ASTN2: variants seen among roughly 807,000 people sequenced by gnomAD.
ASTN2 encodes the protein astrotactin-2.
In ASTN2, 54 loss-of-function variants were observed where a neutral mutation model predicts 139.8. The ratio of observed to expected loss-of-function variants is 0.39; its 90% CI spans 0.31 to 0.48. ASTN2 has a LOEUF of 0.48. ASTN2 is among the 20% of genes least tolerant of loss of function. The probability of loss-of-function intolerance (pLI) is 0.95; values close to 1 mark genes in which losing one functional copy is unlikely to be tolerated. For synonymous variants in ASTN2, 756 were observed against 719.5 expected, an observed-to-expected ratio of 1.05 and a Z score of -0.81; for missense variants, 1,565 against 1,725.1, an observed-to-expected ratio of 0.91 and a Z score of 1.64.
intron 5 of ASTN2, among the ~76,000 whole-genome samples, chr9:117,076,151 A>G (rs1828274499): frequency 6.6e-6 from 1 of 152,214 alleles, no homozygotes. Context: ...TGGGGGTAGT[A>G]GTGAATTCCA....
intron 19 of ASTN2, among the ~76,000 whole-genome samples, chr9:116,565,399 A>T (rs3860178): frequency 3.1e-5 from 2 of 65,002 alleles, no homozygotes; most frequent in Admixed American, 1.8e-4. Context: ...ATATATATAT[A>T]TATATATATA....
At chr9:117,153,166 A>G (rs999071439) in intron 3 of ASTN2, among the ~76,000 whole-genome samples, 2 of 152,034 alleles carry the variant, frequency 1.3e-5, no homozygotes, top group Non-Finnish European at 2.9e-5. Flanking sequence ...GAAGCATCAC[A>G]TATTTCTACT....
At chr9:116,933,156 A>C (rs1188579199) in intron 10 of ASTN2, among the ~76,000 whole-genome samples, 1 of 152,054 alleles carries the variant, frequency 6.6e-6, no homozygotes, top group Non-Finnish European at 1.5e-5. Flanking sequence ...CCTAAGAGTT[A>C]GCTGTACTAA....
At position 116,798,789 on chromosome 9, in the gene ASTN2, G is replaced by T. The variant is rs58040055; in HGVS notation, c.2396+6843C>A. ...GGAAGCACAGAAAGGTGATTCTTCT[G>T]TCAGTCCAGATTTCCGAACACCAGA... is the stretch of plus-strand genomic sequence containing the variant. On this transcript the variant is annotated intron_variant, in intron 13 of 22. Coordinates refer to ENST00000313400, the MANE Select transcript of ASTN2 (RefSeq NM_001365068.1). Among the ~76,000 whole-genome samples the T allele has an allele frequency of 3.2e-3, 481 of 152,288 alleles. 2 individuals are homozygous for T. The highest frequency in any genetic ancestry group is 0.011 in the African/African-American group (451 of 41,564).
At chr9:117,354,820 C>A (rs1670823400) in intron 1 of ASTN2, among the ~76,000 whole-genome samples, 1 of 152,156 alleles carries the variant, frequency 6.6e-6, no homozygotes, top group African/African-American at 2.4e-5. Flanking sequence ...TCAAATGCAT[C>A]CTACAGCTCA....
intron 2 of ASTN2, among the ~76,000 whole-genome samples, chr9:117,279,405 A>G (rs1253439658): frequency 6.6e-6 from 1 of 152,226 alleles, no homozygotes; most frequent in Non-Finnish European, 1.5e-5. Context: ...CAGCAATATC[A>G]ATAGTATCAT....
In ASTN2 at chr9:117,353,621, C is replaced by G. The variant is rs1388577194; in HGVS notation, c.442+60876G>C. 9.2e-5 allele frequency among the ~76,000 whole-genome samples: 14 copies of G among 152,156 alleles called. No homozygotes were observed. In the East Asian group the frequency reaches 2.7e-3, roughly 29 times the overall value. ...GACTTCAGCATTGAAAAATGTGGCCCCAATGTTCCAACAATTACCAGCACA... is the reference window on the plus strand; with the variant it reads ...GACTTCAGCATTGAAAAATGTGGCCGCAATGTTCCAACAATTACCAGCACA... On this transcript the variant is annotated intron_variant, in intron 1 of 22. Transcript: ENST00000313400.
chr9:116,968,045 A>C (rs1470399016), intron 10 of ASTN2, among the ~76,000 whole-genome samples: 1 of 152,340 alleles, frequency 6.6e-6, no homozygotes, highest in East Asian at 1.9e-4. Flanking sequence ...TATCAGTTAC[A>C]TGTAATATGC....
At chr9:116,520,369 A>G (rs1316332885) in intron 19 of ASTN2, among the ~76,000 whole-genome samples, 1 of 152,116 alleles carries the variant, frequency 6.6e-6, no homozygotes, top group Non-Finnish European at 1.5e-5. Flanking sequence ...TAAATGTGAT[A>G]GACCACATAA....
intron 10 of ASTN2, among the ~76,000 whole-genome samples, chr9:116,972,693 A>G (rs1836244022): frequency 6.6e-6 from 1 of 152,212 alleles, no homozygotes; most frequent in African/African-American, 2.4e-5. Context: ...TTGGTAAGTC[A>G]CAGCCTGTAC....
At chr9:117,321,106 C>A (rs1828310723) in intron 1 of ASTN2, among the ~76,000 whole-genome samples, 1 of 152,156 alleles carries the variant, frequency 6.6e-6, no homozygotes, top group African/African-American at 2.4e-5. Flanking sequence ...AAACTTCTAG[C>A]CCAGGTGGTG....
chr9:116,434,354 A>AATTC (rs1303858925), intron 22 of ASTN2, among the ~76,000 whole-genome samples: 3 of 152,196 alleles, frequency 2.0e-5, no homozygotes, highest in African/African-American at 7.2e-5. Context: ...TCTGAGAGTT[A>AATTC]ATTCAATATA....
rs554879020 is a variant in ASTN2 at position 117,182,017 on chromosome 9, C to G, written c.1015+32341G>C. Among the ~76,000 whole-genome samples the G allele has an allele frequency of 5.9e-5, 9 of 152,232 alleles. No homozygotes were observed. The South Asian group carries it at 1.2e-3, about 21-fold the overall frequency. On this transcript the variant is annotated intron_variant, in intron 3 of 22. Coordinates refer to ENST00000313400, the MANE Select transcript of ASTN2 (RefSeq NM_001365068.1). ...CCAGCTGTGAAATGGTGTCCCTGCTCAACTGGGCCCCAAAGCTGTCAGGGG... is the reference window on the plus strand; with the variant it reads ...CCAGCTGTGAAATGGTGTCCCTGCTGAACTGGGCCCCAAAGCTGTCAGGGG...
intron 11 of ASTN2, among the ~76,000 whole-genome samples, chr9:116,841,195 C>T (rs1292410338): frequency 2.0e-5 from 3 of 152,208 alleles, no homozygotes; most frequent in Admixed American, 6.5e-5. Context: ...GCCAACACAG[C>T]GAATCCCAGT....
At chr9:116,641,470 C>T (rs987800731) in intron 17 of ASTN2, among the ~76,000 whole-genome samples, 7 of 152,148 alleles carry the variant, frequency 4.6e-5, no homozygotes, top group Non-Finnish European at 8.8e-5. Flanking sequence ...ATAGCACCCA[C>T]CATGTGGACT....
chr9:117,154,876 C>T (rs1830398773), intron 3 of ASTN2, among the ~76,000 whole-genome samples: 1 of 151,928 alleles, frequency 6.6e-6, no homozygotes. Context: ...ACTGTAATAT[C>T]ATTCACTCAT....
chr9:117,198,865 G>C (rs1831602426), intron 3 of ASTN2, among the ~76,000 whole-genome samples: 1 of 152,132 alleles, frequency 6.6e-6, no homozygotes, highest in Non-Finnish European at 1.5e-5. Flanking sequence ...TTGTGGTTTT[G>C]ATTTGCATTT....
At chr9:117,410,721 T>C (rs2130980550) in intron 1 of ASTN2, among the ~76,000 whole-genome samples, 1 of 152,306 alleles carries the variant, frequency 6.6e-6, no homozygotes, top group Middle Eastern at 3.4e-3. Flanking sequence ...GTCCAGAAAG[T>C]GCCCCCAGTC....
At position 117,312,345 on chromosome 9, in the gene ASTN2, GA is replaced by G. The variant is rs144431818; in HGVS notation, c.443-20833del. 4.6e-3 allele frequency among the ~76,000 whole-genome samples: 706 copies of G among 152,214 alleles called. 5 individuals are homozygous for G. The highest frequency in any genetic ancestry group is 0.015 in the African/African-American group (604 of 41,522). ...CTTTCAGTTTTTTGTTAACCACCAG[GA>G]GGTGGTTAGGTGCTACAAGGTCTTT... On this transcript the variant is annotated intron_variant, in intron 1 of 22. Coordinates refer to ENST00000313400, the MANE Select transcript of ASTN2 (RefSeq NM_001365068.1).
Sources: allele counts gnomAD v4.1 joint callset (sites outside exome capture counted in the v4.1 genomes callset), GRCh38; gene constraint gnomAD v4.1.1; transcripts MANE v1.5; gene names NCBI Gene and HGNC (gene_info 2026-07-23, HGNC 2026-07-21).